PARD3: variants seen among roughly 807,000 people sequenced by gnomAD.
The protein encoded by PARD3 is par-3 family cell polarity regulator.
PARD3 carries 75 observed loss-of-function variants against 155.4 expected under a neutral mutation model. The ratio of observed to expected loss-of-function variants is 0.48; its 90% CI spans 0.40 to 0.58. The LOEUF (loss-of-function observed/expected upper bound fraction) is 0.58. PARD3 is among the 20% of genes least tolerant of loss of function. PARD3 has a pLI of 0.00. For synonymous variants in PARD3, 576 were observed against 610.5 expected, an observed-to-expected ratio of 0.94 and a Z score of 0.83; for missense variants, 1,642 against 1,721.7, an observed-to-expected ratio of 0.95 and a Z score of 0.82.
Position 34,222,681 on chromosome 10 carries a change from G to A in PARD3, c.3419+46976C>T, listed in dbSNP as rs74562070. Among the ~76,000 whole-genome samples, 521 of 152,300 alleles carry A rather than the reference G, an allele frequency of 3.4e-3. 5 individuals are homozygous for A. The highest frequency in any genetic ancestry group is 4.3e-3 in the Non-Finnish European group (290 of 68,022). ...AAGCACTTGCCAGATGCTCAGAACT[G>A]GATCAGCACTTTACTTAATTTCTAC... On this transcript the variant is annotated intron_variant, in intron 22 of 24. Transcript: ENST00000374788.
At chr10:34,417,833 T>C (rs1409850803) in intron 5 of PARD3, among the ~76,000 whole-genome samples, 1 of 152,196 alleles carries the variant, frequency 6.6e-6, no homozygotes, top group Non-Finnish European at 1.5e-5. Flanking sequence ...AAATTTCCAC[T>C]GAGTAAAAAT....
chr10:34,588,325 G>A (rs2088300059), intron 2 of PARD3, among the ~76,000 whole-genome samples: 1 of 152,176 alleles, frequency 6.6e-6, no homozygotes, highest in African/African-American at 2.4e-5. Context: ...GCGGGCCTCT[G>A]ACAGCTCTTC....
At chr10:34,558,508 A>G (rs1401754918) in intron 2 of PARD3, among the ~76,000 whole-genome samples, 1 of 152,202 alleles carries the variant, frequency 6.6e-6, no homozygotes, top group Non-Finnish European at 1.5e-5. Context: ...CTTGACTCTA[A>G]TTATACTAAA....
At chr10:34,355,744 T>C (rs1838731640) in intron 14 of PARD3, among the ~76,000 whole-genome samples, 1 of 151,590 alleles carries the variant, frequency 6.6e-6, no homozygotes, top group South Asian at 2.1e-4. Context: ...CTGACCAACA[T>C]GGTGAAACCC....
At chr10:34,792,965 A>C (rs759613574) in intron 1 of PARD3, among the ~76,000 whole-genome samples, 1 of 152,210 alleles carries the variant, frequency 6.6e-6, no homozygotes, top group South Asian at 2.1e-4. Flanking sequence ...ATTCAACATA[A>C]TCTACTTTTG....
intron 23 of PARD3, among the ~76,000 whole-genome samples, chr10:34,129,604 T>C (rs1234555879): frequency 6.6e-6 from 1 of 151,480 alleles, no homozygotes; most frequent in Non-Finnish European, 1.5e-5. Context: ...ATTTCTACCT[T>C]TAATCTCCCC....
intron 22 of PARD3, among the ~76,000 whole-genome samples, chr10:34,211,238 G>A (rs1342913836): frequency 1.3e-5 from 2 of 152,166 alleles, no homozygotes; most frequent in Non-Finnish European, 2.9e-5. Context: ...GGGTCGTAAA[G>A]ATTAGAAGGG....
chr10:34,111,712 G>A (rs886192286), intron 24 of PARD3, 150 bp from the exon 25 acceptor site: 5 of 671,552 alleles, frequency 7.4e-6, no homozygotes, highest in Non-Finnish European at 7.5e-6. Context: ...ATAGGGGCTG[G>A]AGAATTCAAA....
intron 22 of PARD3, among the ~76,000 whole-genome samples, chr10:34,263,408 G>A (rs1412518607): frequency 6.6e-6 from 1 of 152,054 alleles, no homozygotes; most frequent in Non-Finnish European, 1.5e-5. Flanking sequence ...TGTAATCCCA[G>A]CACTATGGGA....
chr10:34,164,333 G>A lies in PARD3; in HGVS notation c.3420-32750C>T, dbSNP rs570274487. ...TGTGCACCATGTACTTCTGCAAAGG[G>A]CAACTGTATGCAACTTCTGAATGCA... On this transcript the variant is annotated intron_variant, in intron 22 of 24. Coordinates refer to ENST00000374788, the MANE Select transcript of PARD3 (RefSeq NM_001184785.2). Among the ~76,000 whole-genome samples, 22 of 152,292 alleles carry A rather than the reference G, an allele frequency of 1.4e-4. No individual in the cohort carries two copies. In the South Asian group the frequency reaches 4.1e-3, roughly 29 times the overall value.
intron 1 of PARD3, among the ~76,000 whole-genome samples, chr10:34,742,666 TC>T (rs1488223842): frequency 1.3e-5 from 2 of 152,196 alleles, no homozygotes; most frequent in African/African-American, 2.4e-5. Context: ...TCTACCCACA[TC>T]CTGTACTGCG....
chr10:34,139,189 T>G (rs1948056988), intron 22 of PARD3, among the ~76,000 whole-genome samples: 1 of 152,220 alleles, frequency 6.6e-6, no homozygotes, highest in Non-Finnish European at 1.5e-5. Context: ...GAGAAGATAG[T>G]AGGTTAAAGC....
At chr10:34,655,788 G>A (rs2093151146) in intron 2 of PARD3, among the ~76,000 whole-genome samples, 1 of 152,150 alleles carries the variant, frequency 6.6e-6, no homozygotes. Context: ...CATCTTAAAA[G>A]TAACTGGAGA....
chr10:34,166,693 C>G (rs1216097133), intron 22 of PARD3, among the ~76,000 whole-genome samples: 3 of 152,186 alleles, frequency 2.0e-5, no homozygotes, highest in East Asian at 3.9e-4. Context: ...CCCGATGCCC[C>G]TTCCTTCTTC....
intron 1 of PARD3, among the ~76,000 whole-genome samples, chr10:34,757,911 A>AGTAT (rs886673084): frequency 1.3e-5 from 2 of 152,156 alleles, no homozygotes; most frequent in Non-Finnish European, 2.9e-5. Context: ...TCAGTATACT[A>AGTAT]TTAGAAAATT....
chr10:34,559,237 GTAT>G (rs1157468580), intron 2 of PARD3, among the ~76,000 whole-genome samples: 10 of 152,120 alleles, frequency 6.6e-5, no homozygotes, highest in Admixed American at 6.6e-4. Flanking sequence ...TGGCAAAGTA[GTAT>G]TTTTCATTGA....
Position 34,761,214 on chromosome 10 carries a change from C to T in PARD3, c.120+53662G>A, listed in dbSNP as rs1837399946. 2.0e-5 allele frequency among the ~76,000 whole-genome samples: 3 copies of T among 152,012 alleles called. No homozygotes were observed. In the South Asian group the frequency reaches 6.3e-4, roughly 32 times the overall value. On this transcript the variant is annotated intron_variant, in intron 1 of 24. Coordinates refer to ENST00000374788, the MANE Select transcript of PARD3 (RefSeq NM_001184785.2). ...TCACTTGAAGTCAGGAGTTTGAGACCAGCCTGGCCAACATGGTGAACTTCC... is the reference window on the plus strand; with the variant it reads ...TCACTTGAAGTCAGGAGTTTGAGACTAGCCTGGCCAACATGGTGAACTTCC...
At chr10:34,355,847 C>T (rs1250547776) in intron 14 of PARD3, among the ~76,000 whole-genome samples, 2 of 143,118 alleles carry the variant, frequency 1.4e-5, no homozygotes, top group Non-Finnish European at 3.0e-5. Flanking sequence ...ATCACTTGAA[C>T]CCGGGAGGCG....
At chr10:34,249,480 T>C (rs1954161170) in intron 22 of PARD3, among the ~76,000 whole-genome samples, 1 of 152,200 alleles carries the variant, frequency 6.6e-6, no homozygotes, top group African/African-American at 2.4e-5. Flanking sequence ...CTGGAAGAAA[T>C]GAAAAATACC....
Sources: gnomAD v4.1 joint callset for allele counts (sites outside exome capture counted in the v4.1 genomes callset) on GRCh38, gnomAD v4.1.1 for gene constraint, MANE v1.5 for transcripts, NCBI Gene and HGNC (gene_info 2026-07-23, HGNC 2026-07-21) for gene names.